The following SLC5A10 variants were observed in gnomAD, a reference collection of about 807,000 sequenced individuals.
SLC5A10 encodes sodium/mannose cotransporter SLC5A10.
Under a neutral mutation model 68.9 loss-of-function variants are expected in SLC5A10, and 55 were observed. The ratio of observed to expected loss-of-function variants is 0.80; its 90% CI spans 0.64 to 1.00. The LOEUF (loss-of-function observed/expected upper bound fraction) is 1.00. Ranked by LOEUF, SLC5A10 falls within the 50% of genes least tolerant of loss-of-function variation. The pLI, the probability that SLC5A10 is intolerant of heterozygous loss-of-function variation, is 0.00. For synonymous variants in SLC5A10, 344 were observed against 344.8 expected (o/e 1.00, Z 0.02); for missense variants, 732 against 819.3 (o/e 0.89, Z 1.30).
intron 11 of SLC5A10, chr17:19,019,175 G>T (rs2044203111): frequency 1.9e-6 from 1 of 522,980 alleles, no homozygotes. Flanking sequence ...AGAGACCCCA[G>T]GGCAGGGAAG....
In SLC5A10 at chr17:18,953,384, G is replaced by A. The variant is rs145525616; in HGVS notation, c.111+1068G>A. Among the ~76,000 whole-genome samples, 179 of 152,072 alleles carry A rather than the reference G, an allele frequency of 1.2e-3. 1 individual carries two copies. In the East Asian group the frequency reaches 0.028, roughly 24 times the overall value. On this transcript the variant is annotated intron_variant, in intron 1 of 14. Transcript: ENST00000395645. Reference sequence around the variant, plus strand: ...CCTGACCTCATGATTTGCCCGCCTCGGCCTCCCAAAGTGCTAGAATTACAG... The same window carrying A: ...CCTGACCTCATGATTTGCCCGCCTCAGCCTCCCAAAGTGCTAGAATTACAG...
rs2043029063 is a variant in SLC5A10 at position 18,978,077 on chromosome 17, G to A, written c.982+1088G>A. ...CCCATTCTGGGGAGCTTCCTCTTTGGGGAGCTCCAGGACCCAGCCAATATC... is the reference window on the plus strand; with the variant it reads ...CCCATTCTGGGGAGCTTCCTCTTTGAGGAGCTCCAGGACCCAGCCAATATC... On this transcript the variant is annotated intron_variant, in intron 9 of 14. Coordinates refer to ENST00000395645, the MANE Select transcript of SLC5A10 (RefSeq NM_001042450.4). 1.3e-6 allele frequency: 2 copies of A among 1,516,108 alleles called. No homozygotes were observed. The highest frequency in any genetic ancestry group is 2.2e-5 in the Admixed American group (1 of 44,912). 93.9% of individuals were successfully genotyped at this position (1,516,108 alleles called of 1,614,324 possible).
Position 19,003,437 on chromosome 17 carries a change from T to G in SLC5A10, c.983-9973T>G. 1.4e-6 allele frequency: 2 copies of G among 1,400,016 alleles called. No individual in the cohort carries two copies. 86.7% of individuals were successfully genotyped at this position (1,400,016 alleles called of 1,614,324 possible). A position where few individuals can be genotyped will look rare whatever the true frequency, so the allele number is the denominator to read the frequency against. ...CCTAGAAGCCCATGTTGGGCTCCCGTTTTGGGCTCTGAGTGAGCCTGTATT... is the reference window on the plus strand; with the variant it reads ...CCTAGAAGCCCATGTTGGGCTCCCGGTTTGGGCTCTGAGTGAGCCTGTATT... On this transcript the variant is annotated intron_variant, in intron 9 of 14. Transcript: ENST00000395645. This position sits in a 1 kb window ranked among gnomAD's most constrained non-coding sequence, Gnocchi z 4.5.
intron 5 of SLC5A10, among the ~76,000 whole-genome samples, chr17:18,961,230 A>G (rs2151994252): frequency 6.6e-6 from 1 of 152,292 alleles, no homozygotes; most frequent in Middle Eastern, 3.4e-3. Flanking sequence ...GGCCCAGAGA[A>G]GGGAAAGAGC....
At chr17:18,970,962 T>C in intron 7 of SLC5A10, 51 bp from the exon 8 acceptor site, 1 of 1,558,784 alleles carries the variant, frequency 6.4e-7, no homozygotes, top group Non-Finnish European at 8.8e-7. Context: ...GCCCAGGGAG[T>C]CAGGGCCCCG....
intron 1 of SLC5A10, among the ~76,000 whole-genome samples, chr17:18,954,302 C>A (rs1034388676): frequency 6.6e-6 from 1 of 152,200 alleles, no homozygotes; most frequent in Non-Finnish European, 1.5e-5. Context: ...CTGGCTAGCA[C>A]GTCTAAGAAA....
Position 19,020,688 on chromosome 17 carries a change from C to T in SLC5A10, c.*257C>T, listed in dbSNP as rs1222259531. 1.9e-6 allele frequency: 1 copy of T among 534,352 alleles called. No homozygotes were observed. Among genetic ancestry groups the T allele is most frequent in the Admixed American group, 3.2e-5 (1 of 31,656 alleles). 33.1% of individuals were successfully genotyped at this position (534,352 alleles called of 1,614,324 possible). On this transcript the variant is annotated 3_prime_UTR_variant, in exon 15 of 15. Coordinates refer to ENST00000395645, the MANE Select transcript of SLC5A10 (RefSeq NM_001042450.4). ...GAAAATTAGATTTCTGACGGACATC[C>T]TGATGTTGGTTTTACTGTTTTCGTT...
At chr17:18,981,765 G>A (rs898432243) in intron 9 of SLC5A10, among the ~76,000 whole-genome samples, 2 of 152,182 alleles carry the variant, frequency 1.3e-5, no homozygotes, top group East Asian at 1.9e-4. Flanking sequence ...GGCCGCCCTC[G>A]CCGGCCCCCC....
intron 9 of SLC5A10, among the ~76,000 whole-genome samples, chr17:18,987,533 C>T (rs907855763): frequency 1.6e-4 from 24 of 152,182 alleles, no homozygotes; most frequent in Non-Finnish European, 3.4e-4. Flanking sequence ...GGCAGAAGAG[C>T]GTTGGACCAA....
chr17:18,974,546 C>A (rs1291242740), intron 8 of SLC5A10, among the ~76,000 whole-genome samples: 1 of 152,226 alleles, frequency 6.6e-6, no homozygotes, highest in Admixed American at 6.5e-5. Context: ...GATGCCGCAG[C>A]TCCAGGCCGG....
chr17:18,968,831 G>A lies in SLC5A10; in HGVS notation c.454-221G>A, dbSNP rs916952284. 3.6e-6 allele frequency: 2 copies of A among 562,482 alleles called. No individual in the cohort carries two copies. Among genetic ancestry groups the A allele is most frequent in the Non-Finnish European group, 3.2e-6 (1 of 317,306 alleles). The allele number at this position is 562,482 out of a possible 1,614,324, so 34.8% of individuals were successfully genotyped here. A position where few individuals can be genotyped will look rare whatever the true frequency, so the allele number is the denominator to read the frequency against. On this transcript the variant is annotated intron_variant, in intron 5 of 14. Coordinates refer to ENST00000395645, the MANE Select transcript of SLC5A10 (RefSeq NM_001042450.4). This position sits in a 1 kb window ranked among gnomAD's most constrained non-coding sequence, Gnocchi z 4.1. ...GCCACTTTGGACTTTATTAGCAACA[G>A]TAATGTCCCCTGACATCCGCACAAG...
chr17:18,977,586 G>A (rs779285096), intron 9 of SLC5A10: 7 of 1,607,326 alleles, frequency 4.4e-6, no homozygotes, highest in Non-Finnish European at 5.9e-6. Flanking sequence ...TGACCCACCT[G>A]TGCCTCCTTG....
chr17:18,990,252 C>T (rs146170982), intron 9 of SLC5A10, among the ~76,000 whole-genome samples: 91 of 152,232 alleles, frequency 6.0e-4, no homozygotes, highest in African/African-American at 2.2e-3. Flanking sequence ...CTGCTTGGAG[C>T]GGGGGTAGAT....
In SLC5A10 at chr17:19,020,679, A is replaced by G. The variant is rs551950664; in HGVS notation, c.*248A>G. 3.4e-3 allele frequency: 1,849 copies of G among 548,348 alleles called. 10 individuals carry two copies. The highest frequency in any genetic ancestry group is 4.9e-3 in the Non-Finnish European group (1,502 of 304,646). 34.0% of individuals were successfully genotyped at this position (548,348 alleles called of 1,614,324 possible). ...CATTGGAAGGAAAATTAGATTTCTG[A>G]CGGACATCCTGATGTTGGTTTTACT... On this transcript the variant is annotated 3_prime_UTR_variant, in exon 15 of 15. Coordinates refer to ENST00000395645, the MANE Select transcript of SLC5A10 (RefSeq NM_001042450.4).
intron 11 of SLC5A10, among the ~76,000 whole-genome samples, chr17:19,016,139 G>A (rs753928867): frequency 1.3e-5 from 2 of 151,628 alleles, no homozygotes; most frequent in Non-Finnish European, 2.9e-5. Flanking sequence ...TCCACCTCCC[G>A]GGTTCAAGAG....
In SLC5A10 at chr17:19,017,460, C is replaced by T. The variant is rs1426333577; in HGVS notation, c.1242-1963C>T. 1.1e-5 allele frequency: 16 copies of T among 1,445,826 alleles called. No homozygotes were observed. The highest frequency in any genetic ancestry group is 9.9e-5 in the East Asian group (4 of 40,412). The allele number at this position is 1,445,826 out of a possible 1,614,324, so 89.6% of individuals were successfully genotyped here. On this transcript the variant is annotated intron_variant, in intron 11 of 14. Transcript: ENST00000395645. This position sits in a 1 kb window ranked among gnomAD's most constrained non-coding sequence, Gnocchi z 5.6. ...GCGAGGCTTACAGAGAGAAGACCAA[C>T]AGCCCAGAGGCCTGGAGAGGAGGCC...
intron 9 of SLC5A10, among the ~76,000 whole-genome samples, chr17:18,997,814 G>A (rs1277662112): frequency 1.3e-5 from 2 of 152,240 alleles, no homozygotes; most frequent in Non-Finnish European, 2.9e-5. Context: ...AGGTGGAGGA[G>A]GCGAGGGGAG....
In SLC5A10 at chr17:18,968,485, G is replaced by A. The variant is rs1158861686; in HGVS notation, c.454-567G>A. On this transcript the variant is annotated intron_variant, in intron 5 of 14. Coordinates refer to ENST00000395645, the MANE Select transcript of SLC5A10 (RefSeq NM_001042450.4). The surrounding 1 kb of genome is among the most constrained non-coding windows in gnomAD (Gnocchi z 4.1). ...GCAGCCACAGGTTCTGGGAGGGCAGGGGCTGTGTCCAGTCAGTGTGGAGAC... is the reference window on the plus strand; with the variant it reads ...GCAGCCACAGGTTCTGGGAGGGCAGAGGCTGTGTCCAGTCAGTGTGGAGAC... Among the ~76,000 whole-genome samples, 1 of 152,198 alleles carries A rather than the reference G, an allele frequency of 6.6e-6. No individual in the cohort carries two copies. The highest frequency in any genetic ancestry group is 1.5e-5 in the Non-Finnish European group (1 of 68,032).
At chr17:18,993,279 C>T (rs2043476883) in intron 9 of SLC5A10, among the ~76,000 whole-genome samples, 1 of 152,190 alleles carries the variant, frequency 6.6e-6, no homozygotes, top group East Asian at 1.9e-4. Flanking sequence ...TGCATCTGCT[C>T]GGACAACTAC....
Sources: gnomAD v4.1 joint callset for allele counts (sites outside exome capture counted in the v4.1 genomes callset) on GRCh38, gnomAD v4.1.1 for gene constraint, Gnocchi (gnomAD v3.1) non-coding constraint, MANE v1.5 for transcripts, NCBI Gene and HGNC (gene_info 2026-07-23, HGNC 2026-07-21) for gene names.